The following PIP4K2A variants were observed in gnomAD, a reference collection of about 807,000 sequenced individuals.
PIP4K2A encodes the protein phosphatidylinositol-5-phosphate 4-kinase type 2 alpha, also known as phosphatidylinositol 5-phosphate 4-kinase type-2 alpha.
A neutral mutation model predicts 42.9 loss-of-function variants in PIP4K2A; 14 were observed. The ratio of observed to expected loss-of-function variants is 0.33; its 90% CI spans 0.22 to 0.51. PIP4K2A has a LOEUF of 0.51. PIP4K2A is among the 20% of genes least tolerant of loss of function. The probability of loss-of-function intolerance (pLI) is 0.97; values close to 1 mark genes in which losing one functional copy is unlikely to be tolerated. For missense variants in PIP4K2A, 434 were observed against 519.8 expected (o/e 0.83, Z 1.61); for synonymous variants, 192 against 192.2 (o/e 1.00, Z 0.01).
intron 1 of PIP4K2A, among the ~76,000 whole-genome samples, chr10:22,687,451 G>A (rs907051685): frequency 1.3e-5 from 2 of 152,062 alleles, no homozygotes; most frequent in Admixed American, 1.3e-4. Flanking sequence ...GTCTAATGTA[G>A]ACCTCATGTA....
intron 4 of PIP4K2A, among the ~76,000 whole-genome samples, chr10:22,584,566 A>T (rs910321122): frequency 6.6e-5 from 10 of 152,184 alleles, no homozygotes; most frequent in South Asian, 2.1e-4. Flanking sequence ...ACTGCAGGAA[A>T]AGCTTGCTGG....
chr10:22,616,339 C>T (rs148316571), intron 1 of PIP4K2A, among the ~76,000 whole-genome samples: 2 of 152,184 alleles, frequency 1.3e-5, no homozygotes, highest in Non-Finnish European at 2.9e-5. Context: ...CCAAGACCCA[C>T]GTGAGGCACT....
At chr10:22,616,680 A>G (rs1316016335) in intron 1 of PIP4K2A, among the ~76,000 whole-genome samples, 1 of 151,356 alleles carries the variant, frequency 6.6e-6, no homozygotes, top group Non-Finnish European at 1.5e-5. Flanking sequence ...AAAAACTTCT[A>G]AAAGATTCCT....
intron 1 of PIP4K2A, among the ~76,000 whole-genome samples, chr10:22,664,366 T>G (rs1164120949): frequency 1.3e-5 from 2 of 150,448 alleles, no homozygotes; most frequent in Non-Finnish European, 3.0e-5. Context: ...ATAACTACTG[T>G]GACTGAACAT....
intron 1 of PIP4K2A, among the ~76,000 whole-genome samples, chr10:22,653,645 G>A (rs776828259): frequency 6.6e-6 from 1 of 152,142 alleles, no homozygotes; most frequent in Non-Finnish European, 1.5e-5. Context: ...CGGGCATGGT[G>A]GCTCACCCCT....
chr10:22,651,894 G>T (rs887301036), intron 1 of PIP4K2A, among the ~76,000 whole-genome samples: 1 of 152,088 alleles, frequency 6.6e-6, no homozygotes, highest in Non-Finnish European at 1.5e-5. Flanking sequence ...CTAGTGATCT[G>T]GATATAAAAT....
Position 22,543,684 on chromosome 10 carries a change from T to G in PIP4K2A, c.793-1637A>C, listed in dbSNP as rs552548639. ...TAGAATCTCGGCAGCTGCCAGGCTG[T>G]GAGGTGCACCTGGCCGAGATCACCT... On this transcript the variant is annotated intron_variant, in intron 7 of 9. Coordinates refer to ENST00000376573, the MANE Select transcript of PIP4K2A (RefSeq NM_005028.5). Among the ~76,000 whole-genome samples, 20 of 152,320 alleles carry G rather than the reference T, an allele frequency of 1.3e-4. No homozygotes were observed. The East Asian group carries it at 3.9e-3, about 29-fold the overall frequency.
chr10:22,556,452 G>C (rs1536334), intron 6 of PIP4K2A, among the ~76,000 whole-genome samples: 9 of 152,160 alleles, frequency 5.9e-5, no homozygotes, highest in African/African-American at 2.2e-4. Context: ...AAATTGGACT[G>C]GTTAAATTCC....
chr10:22,618,682 A>G (rs1339048383), intron 1 of PIP4K2A, among the ~76,000 whole-genome samples: 2 of 152,162 alleles, frequency 1.3e-5, no homozygotes, highest in Non-Finnish European at 2.9e-5. Flanking sequence ...ATTTCTGGAG[A>G]GGTGCAGAGG....
rs546999694 is a variant in PIP4K2A at position 22,608,936 on chromosome 10, C to T, written c.242+684G>A. Among the ~76,000 whole-genome samples the T allele has an allele frequency of 3.9e-5, 6 of 152,296 alleles. No homozygotes were observed. The East Asian group carries it at 1.2e-3, about 29-fold the overall frequency. On this transcript the variant is annotated intron_variant, in intron 2 of 9. Coordinates refer to ENST00000376573, the MANE Select transcript of PIP4K2A (RefSeq NM_005028.5). ...TGATTTGAGGTTCACCCTAATCATT[C>T]AGAATTGTTTCCCTCTTTGTGTTCC...
intron 4 of PIP4K2A, among the ~76,000 whole-genome samples, chr10:22,587,180 T>C (rs1012988250): frequency 6.6e-6 from 1 of 151,440 alleles, no homozygotes; most frequent in Non-Finnish European, 1.5e-5. Flanking sequence ...ATTTTAACCC[T>C]CCAGAATATA....
chr10:22,666,783 T>C (rs915431970), intron 1 of PIP4K2A, among the ~76,000 whole-genome samples: 1 of 152,200 alleles, frequency 6.6e-6, no homozygotes, highest in Non-Finnish European at 1.5e-5. Flanking sequence ...TACTACCCCT[T>C]TGCTCCCCGA....
chr10:22,691,893 T>C (rs1021167558), intron 1 of PIP4K2A: 1 of 152,264 alleles, frequency 6.6e-6, no homozygotes, highest in Non-Finnish European at 1.5e-5. Flanking sequence ...ATTGTCAGTC[T>C]GGACTGTGCA....
intron 1 of PIP4K2A, among the ~76,000 whole-genome samples, chr10:22,650,837 T>G (rs1045993700): frequency 8.3e-5 from 7 of 84,578 alleles, no homozygotes; most frequent in Admixed American, 5.9e-4. Context: ...ATCTACTGGG[T>G]TTTTTTTTTT....
intron 8 of PIP4K2A, among the ~76,000 whole-genome samples, chr10:22,540,729 A>G (rs1836082885): frequency 6.6e-6 from 1 of 152,004 alleles, no homozygotes; most frequent in Non-Finnish European, 1.5e-5. Context: ...CTAATTTCAT[A>G]TTTTTAGTAG....
intron 1 of PIP4K2A, among the ~76,000 whole-genome samples, chr10:22,699,640 C>A (rs1833672804): frequency 6.6e-6 from 1 of 152,164 alleles, no homozygotes; most frequent in African/African-American, 2.4e-5. Flanking sequence ...GACAACACAG[C>A]TTCTACCACA....
chr10:22,604,874 C>CAA (rs2130842810), intron 3 of PIP4K2A, among the ~76,000 whole-genome samples: 1 of 152,334 alleles, frequency 6.6e-6, no homozygotes, highest in South Asian at 2.1e-4. Flanking sequence ...TGGGCAGTAA[C>CAA]AATGTGCCAG....
intron 4 of PIP4K2A, among the ~76,000 whole-genome samples, chr10:22,576,319 T>C (rs1019393860): frequency 1.3e-5 from 2 of 152,180 alleles, no homozygotes; most frequent in Non-Finnish European, 2.9e-5. Context: ...GATGCGCTGT[T>C]GTAGGCAGAT....
chr10:22,679,054 C>T (rs1329407003), intron 1 of PIP4K2A, among the ~76,000 whole-genome samples: 1 of 152,104 alleles, frequency 6.6e-6, no homozygotes, highest in Non-Finnish European at 1.5e-5. Flanking sequence ...GATGTGACAC[C>T]AACGGCAGAA....
Sources: allele counts gnomAD v4.1 joint callset (sites outside exome capture counted in the v4.1 genomes callset), GRCh38; gene constraint gnomAD v4.1.1; transcripts MANE v1.5; gene names NCBI Gene and HGNC (gene_info 2026-07-23, HGNC 2026-07-21).